Variants in IFITM10 observed in about 807,000 individuals in gnomAD.
The protein encoded by IFITM10 is interferon induced transmembrane protein 10, also known as interferon-induced transmembrane protein 10.
A neutral mutation model predicts 19.0 loss-of-function variants in IFITM10; 17 were observed. The observed-to-expected ratio is 0.90, with a 90% CI of 0.61 to 1.34. The LOEUF is 1.34. IFITM10 is among the 40% of genes most tolerant of loss of function. The pLI is 0.00. For synonymous variants in IFITM10, 148 were observed against 147.2 expected (o/e 1.01, Z -0.04); for missense variants, 306 against 319.8 (o/e 0.96, Z 0.33).
At chr11:1,746,057 T>C (rs932670787) in intron 2 of IFITM10, 2 of 147,276 alleles carry the variant, frequency 1.4e-5, no homozygotes, top group Admixed American at 1.4e-4. Flanking sequence ...CATTTACATG[T>C]GCCATGCACA....
chr11:1,747,699 G>A lies in IFITM10; in HGVS notation c.505C>T (p.Leu169=), dbSNP rs1327934607. ...FNFVYLNFCC[L]GFIALAYSLK... is the part of the protein sequence containing the mutation. ...GAGTAGGCCAAGGCGATGAAGCCCA[G>A]GCAGCAGAAGTTGAGGTAGACGAAG... The change falls in exon 2 of 3, where the codon CTG becomes TTG. Residue 169 remains leucine, a synonymous_variant. Transcript: ENST00000340134. 6 of 1,551,796 alleles carry A rather than the reference G, an allele frequency of 3.9e-6. No homozygotes were observed. The highest frequency in any genetic ancestry group is 5.2e-6 in the Non-Finnish European group (6 of 1,146,988).
At chr11:1,749,063 G>A in intron 1 of IFITM10, 1 of 1,142,128 alleles carries the variant, frequency 8.8e-7, no homozygotes, top group South Asian at 1.7e-5. Flanking sequence ...GCCTCGGTGC[G>A]CGCGTCCTTC....
At chr11:1,744,313 C>A (rs183091084) in intron 2 of IFITM10, 2 of 152,378 alleles carry the variant, frequency 1.3e-5, no homozygotes, top group African/African-American at 4.8e-5. Flanking sequence ...GGAGGCTTTG[C>A]AGAAGAGAGA....
At chr11:1,740,311 A>C (rs1845548264) in intron 2 of IFITM10, among the ~76,000 whole-genome samples, 1 of 139,812 alleles carries the variant, frequency 7.2e-6, no homozygotes, top group Non-Finnish European at 1.6e-5. Flanking sequence ...AAAAAAAAAA[A>C]AAAAAAAAAA....
intron 2 of IFITM10, among the ~76,000 whole-genome samples, chr11:1,741,498 A>G (rs1158060930): frequency 6.6e-6 from 1 of 152,080 alleles, no homozygotes; most frequent in East Asian, 1.9e-4. Flanking sequence ...GGGTGAGTCC[A>G]TCGAAGCAAG....
intron 2 of IFITM10, among the ~76,000 whole-genome samples, chr11:1,740,363 T>C (rs1845549878): frequency 6.9e-6 from 1 of 144,962 alleles, no homozygotes; most frequent in African/African-American, 2.6e-5. Context: ...GTGGATTGAA[T>C]GGTCCAGGGG....
Position 1,736,330 on chromosome 11 carries a change from G to A in IFITM10, c.538-901C>T, listed in dbSNP as rs192576273. Among the ~76,000 whole-genome samples, 12 of 152,278 alleles carry A rather than the reference G, an allele frequency of 7.9e-5. No individual in the cohort carries two copies. In the East Asian group the frequency reaches 1.5e-3, roughly 20 times the overall value. ...GGCAGATGGACAGGAGACCTAGGTCGGAAGACTGGATGGACAGAGGATAGA... is the reference window on the plus strand; with the variant it reads ...GGCAGATGGACAGGAGACCTAGGTCAGAAGACTGGATGGACAGAGGATAGA... On this transcript the variant is annotated intron_variant, in intron 2 of 2. Coordinates refer to ENST00000340134, the MANE Select transcript of IFITM10 (RefSeq NM_001170820.4).
chr11:1,749,365 C>T (rs1005253245), intron 1 of IFITM10, among the ~76,000 whole-genome samples: 1 of 151,964 alleles, frequency 6.6e-6, no homozygotes, highest in African/African-American at 2.4e-5. Flanking sequence ...CTACAGCCCC[C>T]GACCAGGGTG....
chr11:1,747,597 C>G (rs545218198), intron 2 of IFITM10, 70 bp downstream of exon 2: 2 of 1,399,848 alleles, frequency 1.4e-6, no homozygotes, highest in African/African-American at 1.4e-5. Context: ...CGAGCGCCCA[C>G]AGCCAGGGAC....
At position 1,748,037 on chromosome 11, in the gene IFITM10, AG is replaced by A; in HGVS notation, c.166del (p.Leu56TrpfsTer73). 1 of 1,426,102 alleles carries A rather than the reference AG, an allele frequency of 7.0e-7. No homozygotes were observed. Among genetic ancestry groups the A allele is most frequent in the Non-Finnish European group, 9.1e-7 (1 of 1,095,152 alleles). The allele number at this position is 1,426,102 out of a possible 1,614,324, so 88.3% of individuals were successfully genotyped here. On this transcript the variant is annotated frameshift_variant, in exon 2 of 3. Transcript: ENST00000340134. LOFTEE classifies it high-confidence loss of function. ...TDGAQEARVPLDGAFWIPRPP... is the reference protein window; with the variant it reads ...TDGAQEARVPXDGAFWIPRPP... ...CCTCGGAATCCAGAAGGCCCCGTCC[AG>A]GGGGACTCGGGCTTCCTGGGCGCCG...
chr11:1,748,471 G>A (rs971532071), intron 1 of IFITM10: 1 of 254,156 alleles, frequency 3.9e-6, no homozygotes. Flanking sequence ...AAACAACCCC[G>A]CACACACGGG....
chr11:1,741,590 G>A (rs1845571128), intron 2 of IFITM10, among the ~76,000 whole-genome samples: 2 of 152,136 alleles, frequency 1.3e-5, no homozygotes, highest in African/African-American at 4.8e-5. Flanking sequence ...TGTGAATATT[G>A]ATGGATGACA....
Position 1,732,520 on chromosome 11 carries a change from C to G in IFITM10, c.*2760G>C, listed in dbSNP as rs1030821665. 1 of 152,410 alleles carries G rather than the reference C, an allele frequency of 6.6e-6. No individual in the cohort carries two copies. The highest frequency in any genetic ancestry group is 2.4e-5 in the African/African-American group (1 of 41,470). The allele number at this position is 152,410 out of a possible 1,614,324, so 9.4% of individuals were successfully genotyped here. A position where few individuals can be genotyped will look rare whatever the true frequency, so the allele number is the denominator to read the frequency against. Reference sequence around the variant, plus strand: ...CAGTGGACAGGGAGCGCCAGCAGGTCAGGCATGAGTACAGACAGGCAAAGA... The same window carrying G: ...CAGTGGACAGGGAGCGCCAGCAGGTGAGGCATGAGTACAGACAGGCAAAGA... On this transcript the variant is annotated 3_prime_UTR_variant, in exon 3 of 3. Transcript: ENST00000340134.
intron 2 of IFITM10, among the ~76,000 whole-genome samples, chr11:1,747,157 G>A (rs1189109868): frequency 1.3e-5 from 2 of 152,114 alleles, no homozygotes; most frequent in African/African-American, 4.8e-5. Flanking sequence ...TGGTCTCCAC[G>A]CAGGGCTTGG....
At position 1,735,154 on chromosome 11, in the gene IFITM10, G is replaced by C. The variant is rs974328134; in HGVS notation, c.*126C>G. On this transcript the variant is annotated 3_prime_UTR_variant, in exon 3 of 3. Transcript: ENST00000340134. ...TGATGGCCTTGCTGCCCAGTTCACA[G>C]CTCAAGGGGGCCCCAGGACAAGAAG... The C allele has an allele frequency of 4.5e-5, 47 of 1,039,346 alleles. No homozygotes were observed. The highest frequency in any genetic ancestry group is 6.1e-5 in the Non-Finnish European group (44 of 722,656). 64.4% of individuals were successfully genotyped at this position (1,039,346 alleles called of 1,614,324 possible).
At chr11:1,742,864 G>T (rs977328048) in intron 2 of IFITM10, among the ~76,000 whole-genome samples, 3 of 152,088 alleles carry the variant, frequency 2.0e-5, no homozygotes, top group Admixed American at 2.0e-4. Flanking sequence ...TGGGTGGATG[G>T]ACGGAGGGAG....
chr11:1,747,814 C>A lies in IFITM10; in HGVS notation c.390G>T (p.Glu130Asp). The change falls in exon 2 of 3, where the codon GAG (glutamate) becomes GAT (aspartate). Residue 130 changes from glutamate (E) to aspartate (D), a missense_variant. Coordinates refer to ENST00000340134, the MANE Select transcript of IFITM10 (RefSeq NM_001170820.4). Reference protein sequence around the residue: ...GAPPACKHLAEKKTMTNPTTV... With the variant: ...GAPPACKHLADKKTMTNPTTV... ...TCGTGGGGTTGGTCATCGTCTTCTT[C>A]TCGGCTAGGTGCTTGCAGGCAGGGG... 6.5e-7 allele frequency: 1 copy of A among 1,550,234 alleles called. No homozygotes were observed. The highest frequency in any genetic ancestry group is 2.4e-5 in the East Asian group (1 of 40,900).
At chr11:1,739,053 C>CAAAAA (rs71025777) in intron 2 of IFITM10, among the ~76,000 whole-genome samples, 13 of 42,106 alleles carry the variant, frequency 3.1e-4, no homozygotes, top group East Asian at 8.6e-4. Context: ...GACTCCGTCT[C>CAAAAA]AAAAAAAAAA....
chr11:1,735,506 G>C (rs777145544), intron 2 of IFITM10, 77 bp from the exon 3 acceptor site: 30 of 1,365,458 alleles, frequency 2.2e-5, no homozygotes, highest in Non-Finnish European at 3.0e-5. Flanking sequence ...GCCCAGCAGA[G>C]CCGGTGCCAC....
Sources: gnomAD v4.1 joint callset for allele counts (sites outside exome capture counted in the v4.1 genomes callset) on GRCh38, gnomAD v4.1.1 for gene constraint, MANE v1.5 for transcripts, NCBI Gene and HGNC (gene_info 2026-07-23, HGNC 2026-07-21) for gene names.